CHAF1A: variants seen among roughly 807,000 people sequenced by gnomAD.
CHAF1A encodes chromatin assembly factor 1 subunit A.
In CHAF1A, 5 loss-of-function variants were observed where a neutral mutation model predicts 93.2. The ratio of observed to expected loss-of-function variants is 0.05; its 90% CI spans 0.03 to 0.11. CHAF1A has a LOEUF of 0.11. CHAF1A is among the 10% of genes least tolerant of loss of function. The pLI is 1.00. For missense variants in CHAF1A, 1,102 were observed against 1,259.9 expected, an observed-to-expected ratio of 0.87 and a Z score of 1.90; for synonymous variants, 504 against 510.3, an observed-to-expected ratio of 0.99 and a Z score of 0.17.
At chr19:4,408,814 C>T in intron 2 of CHAF1A, 89 bp from the exon 3 acceptor site, 1 of 1,471,660 alleles carries the variant, frequency 6.8e-7, no homozygotes, top group Non-Finnish European at 9.1e-7. Context: ...TCTCCCACCC[C>T]CATGTCCCAA....
At chr19:4,447,232 C>A, downstream of CHAF1A, 1 of 571,650 alleles carries the variant, frequency 1.7e-6, no homozygotes, top group Non-Finnish European at 3.1e-6. Context: ...GCCCTTTCCC[C>A]CAGAAGAACC....
Position 4,439,298 on chromosome 19 carries a change from A to G in CHAF1A, c.2674-2947A>G, listed in dbSNP as rs1179522673. On this transcript the variant is annotated intron_variant, in intron 13 of 14. Transcript: ENST00000301280. ...TGCGTCTCAGAAAAAAAAAAAAAAG[A>G]CAAAAAGGCACAAATGTTAGTGACA... Among the ~76,000 whole-genome samples the G allele has an allele frequency of 6.6e-5, 10 of 151,034 alleles. No homozygotes were observed. The East Asian group carries it at 1.8e-3, about 26-fold the overall frequency.
At chr19:4,426,523 G>A (rs941294874) in intron 7 of CHAF1A, among the ~76,000 whole-genome samples, 4 of 151,570 alleles carry the variant, frequency 2.6e-5, no homozygotes, top group African/African-American at 9.7e-5. Flanking sequence ...TGCCCAGGCT[G>A]GAGTGCAGTG....
Position 4,409,313 on chromosome 19 carries a change from C to T in CHAF1A, c.514C>T (p.Pro172Ser). 6.2e-7 allele frequency: 1 copy of T among 1,614,080 alleles called. No homozygotes were observed. The highest frequency in any genetic ancestry group is 8.5e-7 in the Non-Finnish European group (1 of 1,180,012). Residue 172 changes from proline (P) to serine (S), a missense_variant, in exon 3 of 15, where the codon CCT becomes TCT. Coordinates refer to ENST00000301280, the MANE Select transcript of CHAF1A (RefSeq NM_005483.3). ...CATTCAGAACGACAAGTTGGCATTT[C>T]CTGGAGAGACCCTTTCAGACATTCC... Reference protein sequence around the residue: ...KAIQNDKLAFPGETLSDIPCK... With the variant: ...KAIQNDKLAFSGETLSDIPCK...
downstream of CHAF1A, chr19:4,446,190 G>C: frequency 6.2e-7 from 1 of 1,603,924 alleles, no homozygotes; most frequent in Non-Finnish European, 8.5e-7. Flanking sequence ...CCCGAGCGTA[G>C]AAAGTGCCTG....
intron 13 of CHAF1A, among the ~76,000 whole-genome samples, chr19:4,435,906 A>C (rs1442236943): frequency 1.3e-5 from 2 of 152,190 alleles, no homozygotes; most frequent in Non-Finnish European, 2.9e-5. Context: ...TGGGAGGCCA[A>C]GGCGGGCAGA....
At position 4,429,767 on chromosome 19, in the gene CHAF1A, G is replaced by T; in HGVS notation, c.1833G>T (p.Glu611Asp). 6.2e-7 allele frequency: 1 copy of T among 1,613,800 alleles called. No homozygotes were observed. Among genetic ancestry groups the T allele is most frequent in the East Asian group, 2.2e-5 (1 of 44,890 alleles). ...DEEWEEEEPG[E>D]SLSHSEGDDD... ...AGTGGGAAGAAGAGGAGCCTGGGGA[G>T]TCCCTGTCCCACAGTGAGGGGGTAA... Residue 611 changes from glutamate (E) to aspartate (D), a missense_variant, in exon 10 of 15, where the codon GAG becomes GAT. Transcript: ENST00000301280.
chr19:4,426,862 G>T (rs1295545018), intron 7 of CHAF1A, among the ~76,000 whole-genome samples: 1 of 152,050 alleles, frequency 6.6e-6, no homozygotes, highest in Non-Finnish European at 1.5e-5. Context: ...AGGCCAAGGC[G>T]GGTGAATCAT....
downstream of CHAF1A, among the ~76,000 whole-genome samples, chr19:4,444,336 G>A (rs1181788424): frequency 6.6e-6 from 1 of 152,076 alleles, no homozygotes; most frequent in East Asian, 1.9e-4. Context: ...ACACTGCAGG[G>A]CAGAGTCCCT....
At chr19:4,436,161 A>T (rs1029204644) in intron 13 of CHAF1A, among the ~76,000 whole-genome samples, 2 of 151,726 alleles carry the variant, frequency 1.3e-5, no homozygotes, top group African/African-American at 4.9e-5. Flanking sequence ...AGAAAAGAAA[A>T]GGTGGTCGTT....
rs931120839 is a variant in CHAF1A at position 4,422,741 on chromosome 19, C to T, written c.1193C>T (p.Ala398Val). ...EKREKDEKEKAEKQRLKEERR... is the reference protein window; with the variant it reads ...EKREKDEKEKVEKQRLKEERR... ...CGGGAGAAGGATGAGAAGGAGAAGG[C>T]GGAGAAGCAGCGGCTCAAGGAGGAG... is the stretch of plus-strand genomic sequence containing the variant. Residue 398 changes from alanine (A) to valine (V), a missense_variant, in exon 5 of 15, where the codon GCG becomes GTG. Coordinates refer to ENST00000301280, the MANE Select transcript of CHAF1A (RefSeq NM_005483.3). This position sits in a 1 kb window ranked among gnomAD's most constrained non-coding sequence, Gnocchi z 4.6. 6.8e-6 allele frequency: 11 copies of T among 1,612,688 alleles called. No individual in the cohort carries two copies. The highest frequency in any genetic ancestry group is 4.0e-5 in the African/African-American group (3 of 74,862).
the CHAF1A span, chr19:4,450,027 A>C: frequency 6.6e-6 from 1 of 151,958 alleles, no homozygotes; most frequent in South Asian, 2.1e-4. Flanking sequence ...TAGGAGAGCG[A>C]GACCATCCCG....
At chr19:4,426,180 T>G in intron 7 of CHAF1A, among the ~76,000 whole-genome samples, 1 of 150,804 alleles carries the variant, frequency 6.6e-6, no homozygotes, top group Non-Finnish European at 1.5e-5. Flanking sequence ...TTTTTTTTTT[T>G]TTTTTGAGAC....
chr19:4,403,260 C>T (rs919288688), intron 1 of CHAF1A, among the ~76,000 whole-genome samples: 3 of 152,124 alleles, frequency 2.0e-5, no homozygotes, highest in African/African-American at 7.2e-5. Context: ...TCGGGGTAAG[C>T]CCGGGTAAGA....
At chr19:4,446,990 C>A, downstream of CHAF1A, 1 of 1,497,314 alleles carries the variant, frequency 6.7e-7, no homozygotes, top group Non-Finnish European at 9.2e-7. Flanking sequence ...CCCACCCAGT[C>A]CAGGGGCCCG....
chr19:4,445,668 T>C, downstream of CHAF1A: 1 of 1,588,732 alleles, frequency 6.3e-7, no homozygotes, highest in Non-Finnish European at 8.6e-7. Context: ...GAGTCGGCCC[T>C]TGCCGCGGCA....
chr19:4,404,007 G>C (rs1973635620), intron 1 of CHAF1A, among the ~76,000 whole-genome samples: 1 of 151,486 alleles, frequency 6.6e-6, no homozygotes, highest in Non-Finnish European at 1.5e-5. Context: ...TTTTAGTAGA[G>C]ACGGGGTTTC....
Position 4,433,607 on chromosome 19 carries a change from TG to T in CHAF1A, c.2673+69del, listed in dbSNP as rs1974230948. On this transcript the variant is annotated intron_variant, in intron 13 of 14. Transcript: ENST00000301280. The surrounding 1 kb of genome is among the most constrained non-coding windows in gnomAD (Gnocchi z 5.6). Reference sequence around the variant, plus strand: ...TTTTTTTGTTTGTTTTTTGTTGTTTTGTTTTTTTTTCGAGATGGAGTCCTGC... The same window carrying T: ...TTTTTTTGTTTGTTTTTTGTTGTTTTTTTTTTTTTCGAGATGGAGTCCTGC... 1.5e-6 allele frequency: 2 copies of T among 1,339,602 alleles called. No individual in the cohort carries two copies. Among genetic ancestry groups the T allele is most frequent in the African/African-American group, 3.0e-5 (2 of 67,690 alleles). 83.0% of individuals were successfully genotyped at this position (1,339,602 alleles called of 1,614,324 possible). A position where few individuals can be genotyped will look rare whatever the true frequency, so the allele number is the denominator to read the frequency against.
intron 4 of CHAF1A, among the ~76,000 whole-genome samples, chr19:4,419,973 G>A (rs114455701): frequency 3.9e-5 from 6 of 152,190 alleles, no homozygotes; most frequent in Admixed American, 2.6e-4. Flanking sequence ...CACCTTCCTC[G>A]TGTGTCTCGT....
Sources: allele counts gnomAD v4.1 joint callset (sites outside exome capture counted in the v4.1 genomes callset), GRCh38; gene constraint gnomAD v4.1.1; non-coding constraint Gnocchi (gnomAD v3.1); transcripts MANE v1.5; gene names NCBI Gene and HGNC (gene_info 2026-07-23, HGNC 2026-07-21).